Variants in GPC6 observed in about 807,000 individuals in gnomAD.
GPC6 encodes the protein glypican 6.
In GPC6, 14 loss-of-function variants were observed where a neutral mutation model predicts 55.2. That is an observed-to-expected ratio of 0.25 (90% confidence interval 0.17 to 0.40). The LOEUF (loss-of-function observed/expected upper bound fraction) is 0.40. GPC6 is among the 10% of genes least tolerant of loss of function. The pLI is 1.00. For synonymous variants in GPC6, 278 were observed against 259.6 expected (o/e 1.07, Z -0.68); for missense variants, 641 against 708.5 (o/e 0.90, Z 1.08).
chr13:94,079,809 T>A (rs1885043752), intron 4 of GPC6, among the ~76,000 whole-genome samples: 1 of 152,232 alleles, frequency 6.6e-6, no homozygotes, highest in Non-Finnish European at 1.5e-5. Flanking sequence ...ACATCAGACT[T>A]TTAAGCTACC....
chr13:93,477,913 G>A (rs564189285), intron 1 of GPC6, among the ~76,000 whole-genome samples: 49 of 152,202 alleles, frequency 3.2e-4, no homozygotes, highest in Middle Eastern at 3.4e-3. Flanking sequence ...TCTTAACATA[G>A]TACCGTATAT....
chr13:93,258,659 GTGGGTACAA>G (rs1877034606), intron 1 of GPC6, among the ~76,000 whole-genome samples: 1 of 152,012 alleles, frequency 6.6e-6, no homozygotes, highest in Non-Finnish European at 1.5e-5. Flanking sequence ...CTCCATGGGG[GTGGGTACAA>G]TGGCTCATGC....
At chr13:94,402,639 C>T (rs191754709) in intron 8 of GPC6, among the ~76,000 whole-genome samples, 5 of 152,196 alleles carry the variant, frequency 3.3e-5, no homozygotes. Flanking sequence ...AAGAACTGCC[C>T]GAGACTGGGT....
chr13:94,308,841 T>C (rs1051943111), intron 6 of GPC6, among the ~76,000 whole-genome samples: 30 of 152,342 alleles, frequency 2.0e-4, no homozygotes, highest in African/African-American at 7.0e-4. Context: ...GGTCCAAAGC[T>C]AATAACAGAG....
chr13:93,418,708 G>A (rs1156438140), intron 1 of GPC6, among the ~76,000 whole-genome samples: 4 of 145,992 alleles, frequency 2.7e-5, no homozygotes, highest in Non-Finnish European at 4.5e-5. Flanking sequence ...GTGTCATTTT[G>A]TTAATAGCAC....
chr13:93,256,437 T>C (rs1176287059), intron 1 of GPC6, among the ~76,000 whole-genome samples: 1 of 152,152 alleles, frequency 6.6e-6, no homozygotes, highest in Admixed American at 6.5e-5. Context: ...AATCACTTTT[T>C]AACTTGTTAT....
At chr13:94,080,921 T>C (rs923902226) in intron 4 of GPC6, among the ~76,000 whole-genome samples, 1 of 152,224 alleles carries the variant, frequency 6.6e-6, no homozygotes, top group Non-Finnish European at 1.5e-5. Context: ...TTCACCATTT[T>C]AGTTTTGTTT....
chr13:94,107,577 CTTTT>C (rs35080088), intron 4 of GPC6, among the ~76,000 whole-genome samples: 1 of 142,848 alleles, frequency 7.0e-6, no homozygotes. Flanking sequence ...ATTTCTTTCT[CTTTT>C]TTTTTTTTTT....
chr13:93,486,689 G>C (rs1879723343), intron 1 of GPC6, among the ~76,000 whole-genome samples: 2 of 152,118 alleles, frequency 1.3e-5, no homozygotes, highest in Non-Finnish European at 2.9e-5. Context: ...GCTCACACCT[G>C]TAATCCCAGC....
intron 4 of GPC6, among the ~76,000 whole-genome samples, chr13:94,276,011 G>C (rs1594122619): frequency 1.3e-5 from 2 of 152,302 alleles, no homozygotes; most frequent in Non-Finnish European, 2.9e-5. Flanking sequence ...CCTTTATGAA[G>C]AGAATTTTTG....
At chr13:94,333,381 A>C (rs1176021167) in intron 6 of GPC6, among the ~76,000 whole-genome samples, 4 of 152,194 alleles carry the variant, frequency 2.6e-5, no homozygotes, top group African/African-American at 9.6e-5. Flanking sequence ...CTGGGATTCC[A>C]GTAAGTCATA....
intron 3 of GPC6, among the ~76,000 whole-genome samples, chr13:93,904,276 C>A (rs922647957): frequency 6.6e-6 from 1 of 152,088 alleles, no homozygotes; most frequent in Admixed American, 6.6e-5. Context: ...GAACTGTAGA[C>A]AAAAACAAGC....
intron 4 of GPC6, among the ~76,000 whole-genome samples, chr13:94,069,631 G>T (rs1005936052): frequency 2.6e-5 from 4 of 152,106 alleles, no homozygotes; most frequent in African/African-American, 9.7e-5. Flanking sequence ...ATGCTTTGCT[G>T]CTTAGATATT....
chr13:94,052,171 T>A (rs921356223), intron 4 of GPC6, among the ~76,000 whole-genome samples: 2 of 152,300 alleles, frequency 1.3e-5, no homozygotes, highest in East Asian at 1.9e-4. Flanking sequence ...TGAGTGTGAT[T>A]AATGTTACCT....
chr13:93,697,041 T>G (rs2138788916), intron 2 of GPC6, among the ~76,000 whole-genome samples: 1 of 152,278 alleles, frequency 6.6e-6, no homozygotes, highest in African/African-American at 2.4e-5. Flanking sequence ...ATACATCTTC[T>G]TCCTCTCCCA....
chr13:94,129,113 T>C (rs1269057754), intron 4 of GPC6, among the ~76,000 whole-genome samples: 1 of 152,208 alleles, frequency 6.6e-6, no homozygotes, highest in African/African-American at 2.4e-5. Context: ...GTTATGTAGG[T>C]ATTTATAATG....
chr13:93,531,127 C>G (rs191902869), intron 1 of GPC6, among the ~76,000 whole-genome samples: 66 of 152,190 alleles, frequency 4.3e-4, no homozygotes, highest in African/African-American at 1.4e-3. Context: ...TGTAGACCTA[C>G]TGGAAGATGA....
At position 94,351,568 on chromosome 13, in the gene GPC6, C is replaced by T. The variant is rs147973211; in HGVS notation, c.1153-30846C>T. On this transcript the variant is annotated intron_variant, in intron 6 of 8. Coordinates refer to ENST00000377047, the MANE Select transcript of GPC6 (RefSeq NM_005708.5). ...ACCACAATCTTCTCTGAGAAGCCTA[C>T]TTCCTTATTCTCATAAACTAAGCTG... is the stretch of plus-strand genomic sequence containing the variant. Among the ~76,000 whole-genome samples the T allele has an allele frequency of 5.4e-4, 82 of 152,154 alleles. No individual in the cohort carries two copies. In the East Asian group the frequency reaches 0.013, roughly 23 times the overall value.
At chr13:94,367,093 C>A (rs1324105023) in intron 6 of GPC6, among the ~76,000 whole-genome samples, 1 of 152,190 alleles carries the variant, frequency 6.6e-6, no homozygotes, top group Non-Finnish European at 1.5e-5. Context: ...TCATTGATAT[C>A]TGTCATTAGA....
Sources: allele counts gnomAD v4.1 joint callset (sites outside exome capture counted in the v4.1 genomes callset), GRCh38; gene constraint gnomAD v4.1.1; transcripts MANE v1.5; gene names NCBI Gene and HGNC (gene_info 2026-07-23, HGNC 2026-07-21).